The following ADCYAP1R1 variants were observed in gnomAD, a reference collection of about 807,000 sequenced individuals.
The protein encoded by ADCYAP1R1 is ADCYAP receptor type I.
ADCYAP1R1 carries 44 observed loss-of-function variants against 67.6 expected under a neutral mutation model. The observed-to-expected ratio is 0.65, with a 90% CI of 0.51 to 0.84. The LOEUF (loss-of-function observed/expected upper bound fraction) is 0.84. ADCYAP1R1 is among the 40% of genes least tolerant of loss of function. The pLI, the probability that ADCYAP1R1 is intolerant of heterozygous loss-of-function variation, is 0.00. For synonymous variants in ADCYAP1R1, 222 were observed against 219.6 expected, an observed-to-expected ratio of 1.01 and a Z score of -0.10; for missense variants, 477 against 587.9, an observed-to-expected ratio of 0.81 and a Z score of 1.95.
Position 31,099,075 on chromosome 7 carries a change from G to A in ADCYAP1R1, c.1047-4162G>A, listed in dbSNP as rs146450489. Among the ~76,000 whole-genome samples the A allele has an allele frequency of 7.4e-3, 1,123 of 152,338 alleles. 9 individuals are homozygous for A. The highest frequency in any genetic ancestry group is 0.012 in the Non-Finnish European group (796 of 68,036). On this transcript the variant is annotated intron_variant, in intron 13 of 15. Coordinates refer to ENST00000304166, the MANE Select transcript of ADCYAP1R1 (RefSeq NM_001118.5). ...ATGGCTTGTGTCAGCCCAAGTCCAA[G>A]CAGGACCACTGTGGGCTGGAGACAC...
intron 3 of ADCYAP1R1, among the ~76,000 whole-genome samples, chr7:31,068,268 C>A (rs1794833945): frequency 6.6e-6 from 1 of 152,156 alleles, no homozygotes; most frequent in Non-Finnish European, 1.5e-5. Flanking sequence ...CCTCACCAGC[C>A]TATGGGCTGG....
chr7:31,088,554 G>C (rs1259733424), intron 12 of ADCYAP1R1, among the ~76,000 whole-genome samples: 1 of 152,114 alleles, frequency 6.6e-6, no homozygotes, highest in East Asian at 1.9e-4. Flanking sequence ...TGTTTTGTCT[G>C]GTCTGAAATG....
At chr7:31,101,165 G>A (rs916067854) in intron 13 of ADCYAP1R1, among the ~76,000 whole-genome samples, 2 of 152,192 alleles carry the variant, frequency 1.3e-5, no homozygotes, top group East Asian at 3.9e-4. Flanking sequence ...TGTCTGTTCT[G>A]GGGCTGCTGT....
At chr7:31,095,686 G>A (rs1317936634) in intron 13 of ADCYAP1R1, 11 of 717,950 alleles carry the variant, frequency 1.5e-5, no homozygotes, top group Admixed American at 4.0e-5. Context: ...AAGCCCGCGA[G>A]TCCCCAAGAA....
intron 14 of ADCYAP1R1, among the ~76,000 whole-genome samples, chr7:31,104,472 A>G (rs1796558228): frequency 6.6e-6 from 1 of 152,162 alleles, no homozygotes; most frequent in Non-Finnish European, 1.5e-5. Context: ...GTGGACAAGG[A>G]TGGCACAGGT....
At chr7:31,053,775 C>A (rs1026273775) in intron 1 of ADCYAP1R1, among the ~76,000 whole-genome samples, 2 of 152,214 alleles carry the variant, frequency 1.3e-5, no homozygotes, top group African/African-American at 4.8e-5. Flanking sequence ...TTCCCATGAG[C>A]GGCCCTGGGG....
chr7:31,071,746 A>T (rs73088296), intron 3 of ADCYAP1R1, among the ~76,000 whole-genome samples: 124 of 152,148 alleles, frequency 8.1e-4, no homozygotes, highest in Non-Finnish European at 1.5e-3. Flanking sequence ...ACTAAATAGT[A>T]TCCCTGTGCT....
Position 31,106,890 on chromosome 7 carries a change from G to C in ADCYAP1R1, c.*206G>C, listed in dbSNP as rs981122801. 1.7e-5 allele frequency: 10 copies of C among 605,262 alleles called. 1 individual carries two copies. The South Asian group carries it at 2.4e-4, about 14-fold the overall frequency. The allele number at this position is 605,262 out of a possible 1,614,324, so 37.5% of individuals were successfully genotyped here. A position where few individuals can be genotyped will look rare whatever the true frequency, so the allele number is the denominator to read the frequency against. On this transcript the variant is annotated 3_prime_UTR_variant, in exon 16 of 16. Transcript: ENST00000304166. The stretch of plus-strand genomic sequence containing the variant: ...CTGGTCCCACCCACTGTGGTCCCCT[G>C]GGCCCTGACCCCAGACATGTAAATA...
intron 1 of ADCYAP1R1, among the ~76,000 whole-genome samples, chr7:31,061,202 C>T (rs991793126): frequency 1.3e-5 from 2 of 152,260 alleles, no homozygotes; most frequent in Non-Finnish European, 2.9e-5. Context: ...ATCTTGGAGG[C>T]TCTCTGCCTT....
Position 31,078,082 on chromosome 7 carries a change from C to T in ADCYAP1R1, c.249C>T (p.Ile83=), listed in dbSNP as rs1584505185. ...VLVSCPELFR[I]FNPDQVWETE... is the part of the protein sequence containing the mutation. ...TCAGCTGCCCTGAGCTCTTCCGAATCTTCAACCCAGACCAAGGTGGGTTTA... is the reference window on the plus strand; with the variant it reads ...TCAGCTGCCCTGAGCTCTTCCGAATTTTCAACCCAGACCAAGGTGGGTTTA... The change falls in exon 4 of 16, where the codon ATC becomes ATT. Residue 83 remains isoleucine (I), a synonymous_variant. Coordinates refer to ENST00000304166, the MANE Select transcript of ADCYAP1R1 (RefSeq NM_001118.5). 6.2e-6 allele frequency: 10 copies of T among 1,611,984 alleles called. No individual in the cohort carries two copies. The East Asian group carries it at 2.2e-4, about 36-fold the overall frequency.
At chr7:31,068,215 G>GCACACACACACA (rs1554300587) in intron 3 of ADCYAP1R1, among the ~76,000 whole-genome samples, 8 of 149,902 alleles carry the variant, frequency 5.3e-5, no homozygotes, top group African/African-American at 2.0e-4. Context: ...ATGTGCGCGC[G>GCACACACACACA]CACACACACA....
chr7:31,069,557 C>A (rs893669162), intron 3 of ADCYAP1R1, among the ~76,000 whole-genome samples: 3 of 152,168 alleles, frequency 2.0e-5, no homozygotes, highest in Admixed American at 1.3e-4. Context: ...TCAATTGGAA[C>A]AAGAGCCCTG....
intron 1 of ADCYAP1R1, among the ~76,000 whole-genome samples, chr7:31,061,726 C>T (rs897827509): frequency 6.6e-6 from 1 of 152,158 alleles, no homozygotes; most frequent in Non-Finnish European, 1.5e-5. Flanking sequence ...TTATCTCCAG[C>T]TTAAGCTTGG....
chr7:31,088,597 A>G (rs537714316), intron 12 of ADCYAP1R1, among the ~76,000 whole-genome samples: 213 of 152,306 alleles, frequency 1.4e-3, no homozygotes, highest in African/African-American at 4.8e-3. Flanking sequence ...CAATGGATGG[A>G]CATTCTACCC....
At chr7:31,075,104 A>T (rs1795153229) in intron 3 of ADCYAP1R1, among the ~76,000 whole-genome samples, 1 of 152,020 alleles carries the variant, frequency 6.6e-6, no homozygotes, top group African/African-American at 2.4e-5. Flanking sequence ...GCACCTTCCC[A>T]GGGGTCCTCT....
chr7:31,074,731 A>G (rs1384716341), intron 3 of ADCYAP1R1, among the ~76,000 whole-genome samples: 1 of 152,250 alleles, frequency 6.6e-6, no homozygotes, highest in African/African-American at 2.4e-5. Flanking sequence ...AGCCAAGCAC[A>G]TGCTGGCTAG....
At chr7:31,084,579 G>A (rs756249478) in intron 7 of ADCYAP1R1, among the ~76,000 whole-genome samples, 158 bp from the exon 8 acceptor site, 2 of 152,214 alleles carry the variant, frequency 1.3e-5, no homozygotes, top group African/African-American at 4.8e-5. Flanking sequence ...TTGGCCAGGG[G>A]TGGGAGGTGG....
chr7:31,087,530 A>G, intron 11 of ADCYAP1R1, 97 bp from the exon 12 acceptor site: 1 of 1,073,328 alleles, frequency 9.3e-7, no homozygotes, highest in South Asian at 1.3e-5. Context: ...TGCGGTGGTG[A>G]AAGTGTCGGG....
chr7:31,086,968 G>A lies in ADCYAP1R1; in HGVS notation c.849G>A (p.Val283=), dbSNP rs763958789. The change falls in exon 11 of 16, where the codon GTG becomes GTA. Residue 283 remains valine (V), a synonymous_variant. Transcript: ENST00000304166. The surrounding 1 kb of genome is among the most constrained non-coding windows in gnomAD (Gnocchi z 5.0). ...GWGTPTVCVT[V]WATLRLYFDD... is the part of the protein sequence containing the mutation. The stretch of plus-strand genomic sequence containing the variant: ...GGACCCCAACTGTGTGTGTGACAGT[G>A]TGGGCTACGCTGAGACTCTACTTTG... The A allele has an allele frequency of 3.1e-6, 5 of 1,614,086 alleles. No individual in the cohort carries two copies. The highest frequency in any genetic ancestry group is 3.4e-6 in the Non-Finnish European group (4 of 1,180,058).
Sources: allele counts gnomAD v4.1 joint callset (sites outside exome capture counted in the v4.1 genomes callset), GRCh38; gene constraint gnomAD v4.1.1; non-coding constraint Gnocchi (gnomAD v3.1); transcripts MANE v1.5; gene names NCBI Gene and HGNC (gene_info 2026-07-23, HGNC 2026-07-21).